KIAA1191: variants seen among roughly 807,000 people sequenced by gnomAD.
KIAA1191 encodes KIAA1191, also known as putative monooxygenase p33MONOX.
KIAA1191 carries 22 observed loss-of-function variants against 31.1 expected under a neutral mutation model. The observed-to-expected ratio is 0.71, with a 90% confidence interval of 0.51 to 1.01. The LOEUF (loss-of-function observed/expected upper bound fraction) is 1.01. KIAA1191 is among the 50% of genes least tolerant of loss of function. The pLI is 0.00. For missense variants in KIAA1191, 319 were observed against 388.0 expected (o/e 0.82, Z 1.49); for synonymous variants, 130 against 143.9 (o/e 0.90, Z 0.69).
rs1767141912 is a variant in KIAA1191 at position 176,352,718 on chromosome 5, G to A, written c.238C>T (p.Pro80Ser). Residue 80 changes from proline (P) to serine (S), a missense_variant, in exon 5 of 9, where the codon CCT becomes TCT. Physicochemically the swap from Pro to Ser is moderately conservative, Grantham distance 74. Transcript: ENST00000298569. ...VEEGEASLPSPAMTLSSAIDS... is the reference protein window; with the variant it reads ...VEEGEASLPSSAMTLSSAIDS... ...ATGGCTGATGACAGGGTCATGGCAG[G>A]GGAGGGTAGACTGGCCTCTCCTTCC... 1 of 1,613,858 alleles carries A rather than the reference G, an allele frequency of 6.2e-7. No homozygotes were observed. Among genetic ancestry groups the A allele is most frequent in the African/African-American group, 1.3e-5 (1 of 74,994 alleles).
chr5:176,353,889 G>T (rs148938650), intron 4 of KIAA1191, among the ~76,000 whole-genome samples: 4 of 152,270 alleles, frequency 2.6e-5, no homozygotes, highest in African/African-American at 9.6e-5. Context: ...AGCTGCAGCA[G>T]GCCTTTTCTC....
chr5:176,348,149 C>A (rs1374744095), intron 7 of KIAA1191, 86 bp from the exon 8 acceptor site: 1 of 1,594,986 alleles, frequency 6.3e-7, no homozygotes, highest in Non-Finnish European at 8.6e-7. Context: ...AGGGAACTAT[C>A]CCTTCTCCCT....
chr5:176,354,526 G>A (rs181768757), intron 4 of KIAA1191: 7 of 152,322 alleles, frequency 4.6e-5, no homozygotes, highest in African/African-American at 1.4e-4. Flanking sequence ...CCAATAATGC[G>A]AACCTACGAA....
rs771490978 is a variant in KIAA1191 at position 176,348,361 on chromosome 5, T to C, written c.460-5A>G. 6 of 1,605,578 alleles carry C rather than the reference T, an allele frequency of 3.7e-6. No individual in the cohort carries two copies. Among genetic ancestry groups the C allele is most frequent in the African/African-American group, 2.7e-5 (2 of 74,508 alleles). On this transcript the variant is annotated splice_region_variant and splice_polypyrimidine_tract_variant and intron_variant, in intron 6 of 8. Transcript: ENST00000298569. ...TCCACTCTGTAACTTTAGTTTCTGC[T>C]CAGATGGGTAAGAAGAGAGACTTTT... is the stretch of plus-strand genomic sequence containing the variant.
In KIAA1191 at chr5:176,347,669, C is replaced by T; in HGVS notation, c.849G>A (p.Lys283=). 1 of 1,579,346 alleles carries T rather than the reference C, an allele frequency of 6.3e-7. No individual in the cohort carries two copies. Residue 283 remains lysine (K), a synonymous_variant, in exon 9 of 9, where the codon AAG becomes AAA. Transcript: ENST00000298569. ...PKMDIPVMEG[K]KQPPRAHNLK... The stretch of plus-strand genomic sequence containing the variant: ...GGTTATGGGCCCGTGGTGGCTGTTT[C>T]TTTCCTTCCATCACTGGGATGTCCA...
At position 176,353,058 on chromosome 5, in the gene KIAA1191, A is replaced by C. The variant is rs140812391; in HGVS notation, c.208-310T>G. ...ATAGTACTATGCCCTAAGAATGCAG[A>C]AGAAATGCTTATTACGAAGCACTGA... On this transcript the variant is annotated intron_variant, in intron 4 of 8. Transcript: ENST00000298569. 1.4e-5 allele frequency: 3 copies of C among 209,440 alleles called. No individual in the cohort carries two copies. In the East Asian group the frequency reaches 3.3e-4, roughly 23 times the overall value. 13.0% of individuals were successfully genotyped at this position (209,440 alleles called of 1,614,324 possible).
In KIAA1191 at chr5:176,355,823, A is replaced by G; in HGVS notation, c.29-74T>C. 1 of 1,428,132 alleles carries G rather than the reference A, an allele frequency of 7.0e-7. No homozygotes were observed. The highest frequency in any genetic ancestry group is 1.2e-5 in the South Asian group (1 of 86,328). 88.5% of individuals were successfully genotyped at this position (1,428,132 alleles called of 1,614,324 possible). A position where few individuals can be genotyped will look rare whatever the true frequency, so the allele number is the denominator to read the frequency against. ...AGCAGCTTTAAATTAATCTACAGGA[A>G]GGAAAGCTCTGAAATACTCTTGTTC... On this transcript the variant is annotated intron_variant, in intron 3 of 8. Transcript: ENST00000298569. This position sits in a 1 kb window ranked among gnomAD's most constrained non-coding sequence, Gnocchi z 4.2.
intron 3 of KIAA1191, among the ~76,000 whole-genome samples, chr5:176,356,451 T>A: frequency 6.6e-6 from 1 of 152,226 alleles, no homozygotes; most frequent in East Asian, 1.9e-4. Context: ...TCTACCTTCC[T>A]TTCCTCACCA....
intron 2 of KIAA1191, 48 bp downstream of exon 2, chr5:176,359,763 T>G: frequency 2.3e-6 from 1 of 425,724 alleles, no homozygotes; most frequent in Non-Finnish European, 4.5e-6. Context: ...TTAACACCTG[T>G]GAGATGACAG....
In KIAA1191 at chr5:176,355,378, C is replaced by G. The variant is rs768551001; in HGVS notation, c.207+193G>C. The stretch of plus-strand genomic sequence containing the variant: ...AACACCTCGGGTAACCCTAAAGCTA[C>G]TGATTTTTTTTTTAACAAAATAAAT... On this transcript the variant is annotated intron_variant, in intron 4 of 8. Transcript: ENST00000298569. This position sits in a 1 kb window ranked among gnomAD's most constrained non-coding sequence, Gnocchi z 4.2. 3.5e-4 allele frequency among the ~76,000 whole-genome samples: 53 copies of G among 149,350 alleles called. 1 individual carries two copies. The highest frequency in any genetic ancestry group is 8.1e-4 in the Admixed American group (12 of 14,798).
intron 1 of KIAA1191, among the ~76,000 whole-genome samples, chr5:176,360,306 G>C (rs1213867340): frequency 6.6e-6 from 1 of 151,784 alleles, no homozygotes; most frequent in Admixed American, 6.6e-5. Flanking sequence ...ACAGGCGTCT[G>C]CCACCACGCC....
intron 3 of KIAA1191, among the ~76,000 whole-genome samples, chr5:176,359,222 G>A (rs1767777334): frequency 6.6e-6 from 1 of 152,016 alleles, no homozygotes; most frequent in Non-Finnish European, 1.5e-5. Context: ...GGGAGGCTGA[G>A]GCAGGAGAAT....
chr5:176,355,411 TAAAAAAAA>T lies in KIAA1191; in HGVS notation c.207+152_207+159del, dbSNP rs527939434. ...TTTTTTAACAAAATAAATAAAATCT[TAAAAAAAA>T]AAAAAAGACAGCTATAACTGAGGCA... is the stretch of plus-strand genomic sequence containing the variant. On this transcript the variant is annotated intron_variant, in intron 4 of 8. Coordinates refer to ENST00000298569, the MANE Select transcript of KIAA1191 (RefSeq NM_020444.5). The surrounding 1 kb of genome is among the most constrained non-coding windows in gnomAD (Gnocchi z 4.2). Among the ~76,000 whole-genome samples the T allele has an allele frequency of 1.6e-5, 1 of 61,460 alleles. No individual in the cohort carries two copies. Among genetic ancestry groups the T allele is most frequent in the Non-Finnish European group, 3.9e-5 (1 of 25,924 alleles). 40.3% of individuals were successfully genotyped at this position (61,460 alleles called of 152,430 possible).
Position 176,347,963 on chromosome 5 carries a change from A to G in KIAA1191, c.667T>C (p.Trp223Arg). ...AGGGATCTCGGTCCAAAGAGGCTCC[A>G]CTTATCTGACAAGTTTCTGTCCTTA... ...GDKDRNLSDK[W>R]SLFGPRSLQK... The change falls in exon 8 of 9, where the codon TGG becomes CGG. Residue 223 changes from tryptophan to arginine, a missense_variant. Coordinates refer to ENST00000298569, the MANE Select transcript of KIAA1191 (RefSeq NM_020444.5). 1 of 1,614,152 alleles carries G rather than the reference A, an allele frequency of 6.2e-7. No individual in the cohort carries two copies.
At chr5:176,357,746 C>T (rs919171180) in intron 3 of KIAA1191, among the ~76,000 whole-genome samples, 2 of 152,064 alleles carry the variant, frequency 1.3e-5, no homozygotes, top group East Asian at 1.9e-4. Context: ...CAAACTAAAA[C>T]GGAGCTGATG....
chr5:176,347,649 T>G lies in KIAA1191; in HGVS notation c.869A>C (p.His290Pro), dbSNP rs766556830. Residue 290 changes from histidine (H) to proline (P), a missense_variant, in exon 9 of 9, where the codon CAT (histidine) becomes CCT (proline). Coordinates refer to ENST00000298569, the MANE Select transcript of KIAA1191 (RefSeq NM_020444.5). ...MEGKKQPPRA[H>P]NLKPRDLNVL... is the part of the protein sequence containing the mutation. Reference sequence around the variant, plus strand: ...ATTCAGGTCACGGGGTTTGAGGTTATGGGCCCGTGGTGGCTGTTTCTTTCC... The same window carrying G: ...ATTCAGGTCACGGGGTTTGAGGTTAGGGGCCCGTGGTGGCTGTTTCTTTCC... 2.6e-6 allele frequency: 4 copies of G among 1,554,014 alleles called. No individual in the cohort carries two copies. The East Asian group carries it at 6.7e-5, about 26-fold the overall frequency.
At chr5:176,352,891 TC>T in intron 4 of KIAA1191, 143 bp from the exon 5 acceptor site, 1 of 813,906 alleles carries the variant, frequency 1.2e-6, no homozygotes, top group Non-Finnish European at 1.9e-6. Flanking sequence ...GTTGGTCATC[TC>T]CACCCAGCTA....
intron 4 of KIAA1191, chr5:176,354,442 T>C (rs1435867884): frequency 1.3e-5 from 2 of 152,226 alleles, no homozygotes; most frequent in African/African-American, 4.8e-5. Context: ...CAGGCAACAG[T>C]CTAGCCTTTC....
chr5:176,353,132 A>G (rs1767187064), intron 4 of KIAA1191: 1 of 164,946 alleles, frequency 6.1e-6, no homozygotes, highest in African/African-American at 2.4e-5. Context: ...AGCACTGGCT[A>G]AGTGGTTCTG....
Sources: allele counts gnomAD v4.1 joint callset (sites outside exome capture counted in the v4.1 genomes callset), GRCh38; gene constraint gnomAD v4.1.1; non-coding constraint Gnocchi (gnomAD v3.1); transcripts MANE v1.5; gene names NCBI Gene and HGNC (gene_info 2026-07-23, HGNC 2026-07-21).